The following TRPS1 variants were observed in gnomAD, a reference collection of about 807,000 sequenced individuals.
TRPS1 encodes the protein transcriptional repressor GATA binding 1, also known as zinc finger transcription factor Trps1.
A neutral mutation model predicts 101.2 loss-of-function variants in TRPS1; 6 were observed. The ratio of observed to expected loss-of-function variants is 0.06; its 90% CI spans 0.03 to 0.12. The LOEUF (loss-of-function observed/expected upper bound fraction) is 0.12. Among genes scored for constraint, TRPS1 ranks in the 10% least tolerant of loss-of-function variants. The pLI is 1.00. For synonymous variants in TRPS1, 578 were observed against 589.8 expected, an observed-to-expected ratio of 0.98 and a Z score of 0.29; for missense variants, 1,363 against 1,567.0, an observed-to-expected ratio of 0.87 and a Z score of 2.20.
At chr8:115,475,712 G>T (rs1814588307) in intron 5 of TRPS1, among the ~76,000 whole-genome samples, 1 of 146,474 alleles carries the variant, frequency 6.8e-6, no homozygotes. Flanking sequence ...TTAATACCAG[G>T]AATGTATCAT....
intron 5 of TRPS1, among the ~76,000 whole-genome samples, chr8:115,435,161 G>C (rs1243718716): frequency 6.6e-6 from 1 of 152,104 alleles, no homozygotes; most frequent in Non-Finnish European, 1.5e-5. Flanking sequence ...ATTCAAAATA[G>C]TTATTATATT....
chr8:115,637,708 T>C (rs1387629432), intron 1 of TRPS1, among the ~76,000 whole-genome samples: 2 of 152,214 alleles, frequency 1.3e-5, no homozygotes, highest in Admixed American at 1.3e-4. Context: ...TAGTACAGTA[T>C]CCCATAAATG....
intron 1 of TRPS1, among the ~76,000 whole-genome samples, chr8:115,653,036 C>CA (rs1359792040): frequency 3.9e-5 from 6 of 151,994 alleles, no homozygotes; most frequent in Non-Finnish European, 5.9e-5. Flanking sequence ...TAAAAACCAA[C>CA]AAAAAACGGT....
In TRPS1 at chr8:115,627,958, TTCAG is replaced by T. The variant is rs1025710936; in HGVS notation, c.-121-4204_-121-4201del. Among the ~76,000 whole-genome samples the T allele has an allele frequency of 2.9e-3, 446 of 151,930 alleles. 3 individuals are homozygous for T. Among genetic ancestry groups the T allele is most frequent in the African/African-American group, 0.01 (423 of 41,520 alleles). On this transcript the variant is annotated intron_variant, in intron 1 of 6. Transcript: ENST00000395715. ...TCACAGCACCAGTAAGCCAAGTATA[TTCAG>T]TAAGTTTTATTACTATTAGTAGTAT...
chr8:115,565,821 C>G (rs975033568), intron 5 of TRPS1, among the ~76,000 whole-genome samples: 2 of 151,880 alleles, frequency 1.3e-5, no homozygotes, highest in Non-Finnish European at 2.9e-5. Context: ...ATATTTACTG[C>G]AGTAAAAATA....
intron 5 of TRPS1, among the ~76,000 whole-genome samples, chr8:115,475,445 C>T (rs960399735): frequency 6.6e-6 from 1 of 151,600 alleles, no homozygotes; most frequent in Non-Finnish European, 1.5e-5. Flanking sequence ...GTGTAAGCAC[C>T]TTTAATTTAC....
intron 2 of TRPS1, among the ~76,000 whole-genome samples, chr8:115,620,540 A>G (rs2130535722): frequency 6.6e-6 from 1 of 152,350 alleles, no homozygotes; most frequent in Non-Finnish European, 1.5e-5. Context: ...ACATATATGT[A>G]TACATAAATA....
intron 1 of TRPS1, among the ~76,000 whole-genome samples, chr8:115,662,164 T>A (rs1466811326): frequency 6.6e-6 from 1 of 151,932 alleles, no homozygotes; most frequent in Non-Finnish European, 1.5e-5. Context: ...CAAGAAAAAC[T>A]GAGAAACATA....
chr8:115,558,184 CTAAGACCAGGGA>C (rs1214766206), intron 5 of TRPS1, among the ~76,000 whole-genome samples: 1 of 151,946 alleles, frequency 6.6e-6, no homozygotes, highest in Admixed American at 6.6e-5. Flanking sequence ...AAACTCTAGT[CTAAGACCAGGGA>C]TAAAGGACAC....
In TRPS1 at chr8:115,667,772, C is replaced by T; in HGVS notation, c.-122+773G>A. 6.1e-6 allele frequency: 9 copies of T among 1,464,092 alleles called. No homozygotes were observed. In the South Asian group the frequency reaches 1.0e-4, roughly 16 times the overall value. The allele number at this position is 1,464,092 out of a possible 1,614,324, so 90.7% of individuals were successfully genotyped here. A position where few individuals can be genotyped will look rare whatever the true frequency, so the allele number is the denominator to read the frequency against. ...AGTTTGAAGCCTGCATTTGCAAACT[C>T]TTCAAAGCCAAAGGCAGTCCTGTGC... On this transcript the variant is annotated intron_variant, in intron 1 of 6. Coordinates refer to ENST00000395715, the MANE Select transcript of TRPS1 (RefSeq NM_014112.5).
chr8:115,527,907 C>T (rs1305878192), intron 5 of TRPS1, among the ~76,000 whole-genome samples: 4 of 152,022 alleles, frequency 2.6e-5, no homozygotes, highest in Non-Finnish European at 4.4e-5. Flanking sequence ...AAATTAGAAC[C>T]TTTCTAACAC....
At chr8:115,622,558 AT>A (rs1818419255) in intron 2 of TRPS1, among the ~76,000 whole-genome samples, 1 of 152,134 alleles carries the variant, frequency 6.6e-6, no homozygotes, top group Non-Finnish European at 1.5e-5. Flanking sequence ...TCCCTCCAGA[AT>A]TTCCTGATTG....
chr8:115,420,205 A>G (rs1369645767), intron 5 of TRPS1, among the ~76,000 whole-genome samples: 1 of 152,184 alleles, frequency 6.6e-6, no homozygotes, highest in African/African-American at 2.4e-5. Context: ...CTAAGTCTCA[A>G]TAACATTGCA....
intron 5 of TRPS1, among the ~76,000 whole-genome samples, chr8:115,531,869 G>A (rs1816140534): frequency 6.6e-6 from 1 of 152,088 alleles, no homozygotes; most frequent in Admixed American, 6.6e-5. Context: ...ATGGAGGCGG[G>A]TGCTTATTTC....
chr8:115,499,069 T>G (rs907801512), intron 5 of TRPS1, among the ~76,000 whole-genome samples: 3 of 152,186 alleles, frequency 2.0e-5, no homozygotes, highest in Non-Finnish European at 4.4e-5. Context: ...TTTTTATGTC[T>G]CAAGCAGAAC....
chr8:115,508,863 T>C (rs1255434441), intron 5 of TRPS1, among the ~76,000 whole-genome samples: 1 of 151,988 alleles, frequency 6.6e-6, no homozygotes, highest in Non-Finnish European at 1.5e-5. Flanking sequence ...TGATCTACTT[T>C]CCCTGGGGGT....
At chr8:115,435,571 G>T (rs1473903309) in intron 5 of TRPS1, among the ~76,000 whole-genome samples, 1 of 152,134 alleles carries the variant, frequency 6.6e-6, no homozygotes, top group Non-Finnish European at 1.5e-5. Context: ...GAATTGAAGT[G>T]ATCTGACTGG....
intron 5 of TRPS1, among the ~76,000 whole-genome samples, chr8:115,585,935 T>G (rs1330911032): frequency 6.6e-6 from 1 of 152,148 alleles, no homozygotes; most frequent in Non-Finnish European, 1.5e-5. Context: ...GAAGCACAGA[T>G]AGGCTTCAGA....
At chr8:115,460,899 A>C (rs941445718) in intron 5 of TRPS1, among the ~76,000 whole-genome samples, 1 of 152,186 alleles carries the variant, frequency 6.6e-6, no homozygotes, top group Non-Finnish European at 1.5e-5. Flanking sequence ...GAATGAATTT[A>C]TCTCACAGTT....
Sources: gnomAD v4.1 joint callset for allele counts (sites outside exome capture counted in the v4.1 genomes callset) on GRCh38, gnomAD v4.1.1 for gene constraint, MANE v1.5 for transcripts, NCBI Gene and HGNC (gene_info 2026-07-23, HGNC 2026-07-21) for gene names.